Variants in HBS1L observed in about 807,000 individuals in gnomAD.
HBS1L encodes the protein HBS1 like translational GTPase, also known as HBS1-like protein.
In HBS1L, 55 loss-of-function variants were observed where a neutral mutation model predicts 88.9. The ratio of observed to expected loss-of-function variants is 0.62; its 90% CI spans 0.50 to 0.77. HBS1L has a LOEUF of 0.77. Among genes scored for constraint, HBS1L ranks in the 30% least tolerant of loss-of-function variants. HBS1L has a pLI of 0.00. For missense variants in HBS1L, 741 were observed against 829.3 expected (o/e 0.89, Z 1.31); for synonymous variants, 267 against 288.5 (o/e 0.93, Z 0.76).
intron 4 of HBS1L, among the ~76,000 whole-genome samples, chr6:135,021,657 T>C (rs1315393195): frequency 6.6e-6 from 1 of 152,164 alleles, no homozygotes; most frequent in African/African-American, 2.4e-5. Flanking sequence ...ACGATGCTTA[T>C]CACTTAACAA....
At chr6:134,999,455 T>TTTC (rs1421931484) in intron 5 of HBS1L, among the ~76,000 whole-genome samples, 1 of 147,740 alleles carries the variant, frequency 6.8e-6, no homozygotes, top group Non-Finnish European at 1.5e-5. Context: ...TTTCTTTTTT[T>TTTC]TTTTTTTTTT....
At chr6:135,006,696 C>T (rs1489174624) in intron 4 of HBS1L, among the ~76,000 whole-genome samples, 4 of 152,004 alleles carry the variant, frequency 2.6e-5, no homozygotes, top group African/African-American at 9.6e-5. Context: ...ATTGGCTTTG[C>T]GTGAAAAAGC....
intron 5 of HBS1L, among the ~76,000 whole-genome samples, chr6:134,999,450 T>TTTC (rs1554226612): frequency 2.8e-5 from 4 of 143,144 alleles, no homozygotes; most frequent in East Asian, 3.9e-4. Context: ...TTTCTTTTCT[T>TTTC]TTTTTTTTTT....
chr6:134,976,009 A>G (rs1774632958), intron 15 of HBS1L, among the ~76,000 whole-genome samples: 1 of 152,172 alleles, frequency 6.6e-6, no homozygotes, highest in South Asian at 2.1e-4. Flanking sequence ...CAAACTATGC[A>G]TCTGACAGGA....
rs143361965 is a variant in HBS1L at position 135,006,221 on chromosome 6, CAAAG to C, written c.431-3383_431-3380del. Among the ~76,000 whole-genome samples, 1,050 of 152,112 alleles carry C rather than the reference CAAAG, an allele frequency of 6.9e-3. 13 individuals are homozygous for C. Among genetic ancestry groups the C allele is most frequent in the African/African-American group, 0.024 (989 of 41,508 alleles). ...CTAATTTTAAAAATAAATAAAATAA[CAAAG>C]GAAGAGTCCTGATGCACTAGGAGAA... On this transcript the variant is annotated intron_variant, in intron 4 of 17. Coordinates refer to ENST00000367837, the MANE Select transcript of HBS1L (RefSeq NM_006620.4).
At chr6:134,986,851 A>C in intron 9 of HBS1L, 41 bp from the exon 10 acceptor site, 1 of 974,676 alleles carries the variant, frequency 1.0e-6, no homozygotes. Flanking sequence ...ATCCTTCAGA[A>C]CATGATACAT....
rs1774312495 is a variant in HBS1L at position 134,966,310 on chromosome 6, T to C, written c.2043+19A>G. The C allele has an allele frequency of 1.3e-6, 2 of 1,598,430 alleles. No homozygotes were observed. Among genetic ancestry groups the C allele is most frequent in the East Asian group, 4.5e-5 (2 of 44,702 alleles). Reference sequence around the variant, plus strand: ...ATCATAACTATGGATATATAATGAGTCACTTTAAAATAAAATACCTCAGTG... The same window carrying C: ...ATCATAACTATGGATATATAATGAGCCACTTTAAAATAAAATACCTCAGTG... On this transcript the variant is annotated intron_variant, in intron 17 of 17. Coordinates refer to ENST00000367837, the MANE Select transcript of HBS1L (RefSeq NM_006620.4).
chr6:135,040,144 G>A (rs182168475), intron 3 of HBS1L, among the ~76,000 whole-genome samples: 9 of 152,188 alleles, frequency 5.9e-5, no homozygotes, highest in African/African-American at 2.2e-4. Context: ...TTTCTAATTT[G>A]TTAGTGAATC....
chr6:135,017,587 T>C (rs1775957158), intron 4 of HBS1L, among the ~76,000 whole-genome samples: 1 of 152,012 alleles, frequency 6.6e-6, no homozygotes, highest in South Asian at 2.1e-4. Context: ...TGAATCAAAT[T>C]GAAATCTAAA....
At chr6:135,047,500 G>A (rs1309316554) in intron 2 of HBS1L, among the ~76,000 whole-genome samples, 2 of 152,074 alleles carry the variant, frequency 1.3e-5, no homozygotes, top group African/African-American at 2.4e-5. Context: ...TACCCCAGTG[G>A]GCTTGTTAAA....
At chr6:134,981,355 A>G (rs1774827254) in intron 13 of HBS1L, among the ~76,000 whole-genome samples, 1 of 151,988 alleles carries the variant, frequency 6.6e-6, no homozygotes, top group African/African-American at 2.4e-5. Context: ...CTTTTTATCA[A>G]AACTGAAATT....
At position 134,993,907 on chromosome 6, in the gene HBS1L, C is replaced by A. The variant is rs975700976; in HGVS notation, c.966-32G>T. Reference sequence around the variant, plus strand: ...CAAAACATAACATGGTTAGAATGTACGATATAAATAGTGCTATAGAGTAAA... The same window carrying A: ...CAAAACATAACATGGTTAGAATGTAAGATATAAATAGTGCTATAGAGTAAA... On this transcript the variant is annotated intron_variant, in intron 7 of 17. Coordinates refer to ENST00000367837, the MANE Select transcript of HBS1L (RefSeq NM_006620.4). 2.9e-6 allele frequency: 3 copies of A among 1,052,192 alleles called. No individual in the cohort carries two copies. In the Admixed American group the frequency reaches 5.3e-5, roughly 19 times the overall value. 65.2% of individuals were successfully genotyped at this position (1,052,192 alleles called of 1,614,324 possible).
chr6:134,973,838 G>GAA (rs199823698), intron 15 of HBS1L, among the ~76,000 whole-genome samples: 1 of 134,358 alleles, frequency 7.4e-6, no homozygotes, highest in South Asian at 2.3e-4. Context: ...TCCATCTCAA[G>GAA]AAAAAAAAAA....
At chr6:134,975,003 T>C (rs140149313) in intron 15 of HBS1L, among the ~76,000 whole-genome samples, 21 of 152,250 alleles carry the variant, frequency 1.4e-4, no homozygotes, top group African/African-American at 4.1e-4. Context: ...ATTACATACC[T>C]AAAAAATCCT....
At position 135,014,274 on chromosome 6, in the gene HBS1L, C is replaced by G. The variant is rs574318987; in HGVS notation, c.431-11432G>C. 2.0e-3 allele frequency among the ~76,000 whole-genome samples: 308 copies of G among 152,302 alleles called. 1 individual carries two copies. The highest frequency in any genetic ancestry group is 7.3e-3 in the African/African-American group (304 of 41,558). On this transcript the variant is annotated intron_variant, in intron 4 of 17. Coordinates refer to ENST00000367837, the MANE Select transcript of HBS1L (RefSeq NM_006620.4). ...AATTACAACAGTCCATAAAGGAACT[C>G]TGCTTCCTCCTCCTAAGCAGAAACT...
At chr6:134,976,177 G>A (rs1205787333) in intron 15 of HBS1L, among the ~76,000 whole-genome samples, 2 of 152,032 alleles carry the variant, frequency 1.3e-5, no homozygotes, top group Non-Finnish European at 2.9e-5. Context: ...ATTAATCATC[G>A]AGGAAGTACA....
chr6:134,969,418 T>C lies in HBS1L; in HGVS notation c.1798-80A>G, dbSNP rs543350394. The C allele has an allele frequency of 8.7e-4, 738 of 850,144 alleles. 1 individual carries two copies. The highest frequency in any genetic ancestry group is 1.3e-3 in the Non-Finnish European group (656 of 504,256). 52.7% of individuals were successfully genotyped at this position (850,144 alleles called of 1,614,324 possible). On this transcript the variant is annotated intron_variant, in intron 15 of 17. Coordinates refer to ENST00000367837, the MANE Select transcript of HBS1L (RefSeq NM_006620.4). ...TTCTTTTGGCACTTATACTTAATTA[T>C]CTTCAATTCAGTGCTACTGCTTGGA...
In HBS1L at chr6:134,987,775, A is replaced by G; in HGVS notation, c.1100T>C (p.Leu367Ser). ...CTCTCCCCTGCTGGCATCTACAACTAAAACAGCTACATCCGCCTAAAGAAG... is the reference window on the plus strand; with the variant it reads ...CTCTCCCCTGCTGGCATCTACAACTGAAACAGCTACATCCGCCTAAAGAAG... ...TGAAQADVAV[L>S]VVDASRGEFE... The change falls in exon 9 of 18, where the codon TTA becomes TCA. Residue 367 changes from leucine to serine, a missense_variant. Leu to Ser is a moderately radical substitution (Grantham distance 145). Transcript: ENST00000367837. 6.3e-7 allele frequency: 1 copy of G among 1,594,794 alleles called. No individual in the cohort carries two copies. The highest frequency in any genetic ancestry group is 2.3e-5 in the East Asian group (1 of 43,598).
intron 2 of HBS1L, among the ~76,000 whole-genome samples, chr6:135,047,192 T>C (rs1776939747): frequency 6.6e-6 from 1 of 152,202 alleles, no homozygotes; most frequent in Non-Finnish European, 1.5e-5. Context: ...AGGCCATAAA[T>C]GCAAGTCTCA....
Sources: gnomAD v4.1 joint callset for allele counts (sites outside exome capture counted in the v4.1 genomes callset) on GRCh38, gnomAD v4.1.1 for gene constraint, MANE v1.5 for transcripts, NCBI Gene and HGNC (gene_info 2026-07-23, HGNC 2026-07-21) for gene names.